Variants in INTU observed in about 807,000 individuals in gnomAD.
INTU encodes inturned planar cell polarity protein, also known as protein inturned.
In INTU, 68 loss-of-function variants were observed where a neutral mutation model predicts 100.5. The observed-to-expected ratio is 0.68, with a 90% CI of 0.56 to 0.83. The LOEUF is 0.83. Ranked by LOEUF, INTU falls within the 40% of genes least tolerant of loss-of-function variation. The pLI is 0.00. For synonymous variants in INTU, 357 were observed against 395.7 expected (o/e 0.90, Z 1.16); for missense variants, 1,071 against 1,114.7 (o/e 0.96, Z 0.56).
At chr4:127,698,486 T>G (rs1037000465) in intron 8 of INTU, among the ~76,000 whole-genome samples, 3 of 151,384 alleles carry the variant, frequency 2.0e-5, no homozygotes, top group Non-Finnish European at 4.4e-5. Context: ...AAGTCGTGTG[T>G]GAGGTAACAT....
At chr4:127,681,582 C>T (rs1263206724) in intron 6 of INTU, among the ~76,000 whole-genome samples, 1 of 152,140 alleles carries the variant, frequency 6.6e-6, no homozygotes, top group Non-Finnish European at 1.5e-5. Flanking sequence ...CGCTTCCTTA[C>T]ACCTTATACA....
intron 6 of INTU, among the ~76,000 whole-genome samples, chr4:127,679,016 A>G (rs1473957422): frequency 1.3e-5 from 2 of 152,114 alleles, no homozygotes; most frequent in Admixed American, 6.5e-5. Flanking sequence ...AGGCCATTAC[A>G]TAATGGTAAA....
chr4:127,717,529 G>T lies in INTU; in HGVS notation c.*1093G>T, dbSNP rs1731286482. The T allele has an allele frequency of 6.6e-6, 1 of 152,282 alleles. No homozygotes were observed. Among genetic ancestry groups the T allele is most frequent in the African/African-American group, 2.4e-5 (1 of 41,542 alleles). 9.4% of individuals were successfully genotyped at this position (152,282 alleles called of 1,614,324 possible). Reference sequence around the variant, plus strand: ...AGTAATGGGATTGCTGGGTCAAATGGCATTTCTGGTTCTAGATCTTTGAAG... The same window carrying T: ...AGTAATGGGATTGCTGGGTCAAATGTCATTTCTGGTTCTAGATCTTTGAAG... On this transcript the variant is annotated 3_prime_UTR_variant, in exon 16 of 16. Transcript: ENST00000335251.
At chr4:127,663,791 GA>G (rs1458969944) in intron 4 of INTU, among the ~76,000 whole-genome samples, 4 of 151,994 alleles carry the variant, frequency 2.6e-5, no homozygotes, top group African/African-American at 9.7e-5. Flanking sequence ...TTTTTAAAAT[GA>G]AAACAAATTA....
chr4:127,646,993 TC>T (rs1441700175), intron 2 of INTU, among the ~76,000 whole-genome samples: 4 of 152,210 alleles, frequency 2.6e-5, no homozygotes, highest in Non-Finnish European at 5.9e-5. Flanking sequence ...CAATTTGATC[TC>T]ATTTTTCTGT....
chr4:127,658,336 G>GAGAT (rs1560840090), intron 3 of INTU, among the ~76,000 whole-genome samples: 14 of 152,086 alleles, frequency 9.2e-5, no homozygotes, highest in Non-Finnish European at 1.6e-4. Flanking sequence ...GATGGAGATG[G>GAGAT]GGTGGTGTTT....
chr4:127,638,650 G>A (rs1727177219), intron 1 of INTU, among the ~76,000 whole-genome samples: 1 of 152,112 alleles, frequency 6.6e-6, no homozygotes, highest in African/African-American at 2.4e-5. Context: ...TTATGCAAGT[G>A]AACTTGCTTA....
intron 2 of INTU, among the ~76,000 whole-genome samples, chr4:127,655,311 G>A (rs566578834): frequency 6.6e-6 from 1 of 152,236 alleles, no homozygotes; most frequent in Admixed American, 6.5e-5. Flanking sequence ...GCGTTTTAGA[G>A]TTTCTAGTTT....
chr4:127,713,640 T>G (rs1326235217), intron 14 of INTU, among the ~76,000 whole-genome samples: 1 of 152,182 alleles, frequency 6.6e-6, no homozygotes, highest in African/African-American at 2.4e-5. Context: ...ATTTTCTATC[T>G]TCCACTGTGG....
chr4:127,674,156 A>G lies in INTU; in HGVS notation c.1124A>G (p.His375Arg). The G allele has an allele frequency of 3.1e-6, 5 of 1,612,426 alleles. No homozygotes were observed. The highest frequency in any genetic ancestry group is 2.2e-5 in the East Asian group (1 of 44,828). ...CTCCTTTTAAATGGAAAACAAATTC[A>G]TGTGGCTTATTGGAAAGAATCTGAC... is the stretch of plus-strand genomic sequence containing the variant. ...SSLLLNGKQI[H>R]VAYWKESDKL... Residue 375 changes from histidine to arginine, a missense_variant, in exon 6 of 16, where the codon CAT becomes CGT. Physicochemically the swap from His to Arg is conservative, Grantham distance 29 (BLOSUM62 0). Transcript: ENST00000335251.
chr4:127,641,605 C>T (rs1469831795), intron 1 of INTU, among the ~76,000 whole-genome samples: 3 of 151,946 alleles, frequency 2.0e-5, no homozygotes, highest in African/African-American at 7.3e-5. Context: ...TATGGCTAAG[C>T]TGGGTGACTT....
intron 12 of INTU, 33 bp downstream of exon 12, chr4:127,707,002 A>G (rs781139268): frequency 6.4e-6 from 10 of 1,573,426 alleles, no homozygotes; most frequent in South Asian, 5.9e-5. Flanking sequence ...ATGTTCTGGG[A>G]GCTAAGTTGT....
chr4:127,674,070 A>C (rs1334274083), intron 5 of INTU, 54 bp from the exon 6 acceptor site: 9 of 1,167,082 alleles, frequency 7.7e-6, no homozygotes, highest in Non-Finnish European at 1.1e-5. Flanking sequence ...TATACTTATA[A>C]TTTTATGACA....
chr4:127,715,858 G>C (rs1731247246), intron 15 of INTU, among the ~76,000 whole-genome samples: 1 of 152,112 alleles, frequency 6.6e-6, no homozygotes. Context: ...TGATTAAATG[G>C]ATTTCAATTT....
intron 6 of INTU, among the ~76,000 whole-genome samples, chr4:127,682,759 A>T (rs1279053389): frequency 6.6e-6 from 1 of 151,918 alleles, no homozygotes; most frequent in Non-Finnish European, 1.5e-5. Context: ...TAATAAAATA[A>T]AAAATAAAAA....
intron 1 of INTU, among the ~76,000 whole-genome samples, chr4:127,635,809 G>A (rs980835899): frequency 6.6e-6 from 1 of 152,136 alleles, no homozygotes; most frequent in African/African-American, 2.4e-5. Flanking sequence ...GTCCATTTAT[G>A]CCTCTCCTGA....
At chr4:127,653,062 G>A (rs1187654078) in intron 2 of INTU, among the ~76,000 whole-genome samples, 1 of 151,748 alleles carries the variant, frequency 6.6e-6, no homozygotes, top group African/African-American at 2.4e-5. Context: ...GGAATCGGTG[G>A]TGATATCTCC....
intron 2 of INTU, among the ~76,000 whole-genome samples, chr4:127,650,850 G>A (rs1056183673): frequency 2.6e-5 from 4 of 152,100 alleles, no homozygotes; most frequent in African/African-American, 7.2e-5. Flanking sequence ...GTGTAAAAGT[G>A]TTCCTATTTC....
intron 3 of INTU, among the ~76,000 whole-genome samples, chr4:127,661,426 C>G (rs1728472076): frequency 6.6e-6 from 1 of 152,062 alleles, no homozygotes; most frequent in African/African-American, 2.4e-5. Flanking sequence ...GGGAAAGATG[C>G]CTTCCTTGTT....
Sources: allele counts gnomAD v4.1 joint callset (sites outside exome capture counted in the v4.1 genomes callset), GRCh38; gene constraint gnomAD v4.1.1; transcripts MANE v1.5; gene names NCBI Gene and HGNC (gene_info 2026-07-23, HGNC 2026-07-21).